ZNF34: variants seen among roughly 807,000 people sequenced by gnomAD.
ZNF34 encodes zinc finger protein 34.
In ZNF34, 8 loss-of-function variants were observed where a neutral mutation model predicts 14.4. The observed-to-expected ratio is 0.55, with a 90% CI of 0.33 to 1.00. The LOEUF (loss-of-function observed/expected upper bound fraction) is 1.00. ZNF34 is among the 50% of genes least tolerant of loss of function. ZNF34 has a pLI of 0.03. For synonymous variants in ZNF34, 235 were observed against 247.9 expected (o/e 0.95, Z 0.49); for missense variants, 538 against 674.2 (o/e 0.80, Z 2.24).
chr8:144,778,220 G>T (rs986962571), intron 3 of ZNF34, 56 bp from the exon 4 acceptor site: 173 of 1,569,474 alleles, frequency 1.1e-4, no homozygotes, highest in Middle Eastern at 1.7e-4. Flanking sequence ...GCTGGTAGGG[G>T]CGGGGAGGCA....
At position 144,774,156 on chromosome 8, in the gene ZNF34, T is replaced by C. The variant is rs767729328; in HGVS notation, c.730A>G (p.Asn244Asp). 6.2e-7 allele frequency: 1 copy of C among 1,614,096 alleles called. No individual in the cohort carries two copies. Among genetic ancestry groups the C allele is most frequent in the Non-Finnish European group, 8.5e-7 (1 of 1,179,934 alleles). Residue 244 changes from asparagine to aspartate, a missense_variant, in exon 6 of 6, where the codon AAC becomes GAC. Around this residue, in one of 3 missense-constraint regions of ZNF34, gnomAD observed 431 missense variants for 525.7 expected, o/e 0.82. Coordinates refer to ENST00000429371, the MANE Select transcript of ZNF34 (RefSeq NM_001286769.2). ...TGAAGCCGCTGATGCTTGACAAGGT[T>C]GGCACTGTACCTGAATGTTTTCCCA... ...YCGKTFRYSANLVKHQRLHTE... is the reference protein window; with the variant it reads ...YCGKTFRYSADLVKHQRLHTE...
At chr8:144,776,458 G>A (rs899004420) in intron 5 of ZNF34, among the ~76,000 whole-genome samples, 1 of 151,628 alleles carries the variant, frequency 6.6e-6, no homozygotes, top group Non-Finnish European at 1.5e-5. Flanking sequence ...AAATTAGCCA[G>A]GCATGGCGGC....
In ZNF34 at chr8:144,772,654, C is replaced by T. The variant is rs1022621706; in HGVS notation, c.*612G>A. ...TCCCAGGTTCAAGCAATGCTCCTGC[C>T]TCAGCCTCCCGAGTAGCTGGGATTA... On this transcript the variant is annotated 3_prime_UTR_variant, in exon 6 of 6. Transcript: ENST00000429371. 1.3e-5 allele frequency among the ~76,000 whole-genome samples: 2 copies of T among 152,200 alleles called. No homozygotes were observed. The highest frequency in any genetic ancestry group is 2.1e-4 in the South Asian group (1 of 4,824).
In ZNF34 at chr8:144,777,890, C is replaced by A. The variant is rs1825624301; in HGVS notation, c.160+148G>T. 4 of 1,259,658 alleles carry A rather than the reference C, an allele frequency of 3.2e-6. No individual in the cohort carries two copies. Among genetic ancestry groups the A allele is most frequent in the Non-Finnish European group, 4.4e-6 (4 of 910,586 alleles). The allele number at this position is 1,259,658 out of a possible 1,614,324, so 78.0% of individuals were successfully genotyped here. A position where few individuals can be genotyped will look rare whatever the true frequency, so the allele number is the denominator to read the frequency against. ...GACTCAGGAAGGTCCCAGCACTGCT[C>A]TTCCCCTCATCTTCTCAGATCAGGT... On this transcript the variant is annotated intron_variant, in intron 4 of 5. Transcript: ENST00000429371. The surrounding 1 kb of genome is among the most constrained non-coding windows in gnomAD (Gnocchi z 4.8).
Position 144,778,132 on chromosome 8 carries a change from G to A in ZNF34, c.66C>T (p.Tyr22=), listed in dbSNP as rs776141928. The A allele has an allele frequency of 3.7e-6, 6 of 1,613,848 alleles. No homozygotes were observed. Among genetic ancestry groups the A allele is most frequent in the Admixed American group, 1.7e-5 (1 of 59,964 alleles). Reference sequence around the variant, plus strand: ...GGCGGCCCCATTCCTCCCGGGAGAGGTACACAGCCACGTCCTCGAAGGTCA... The same window carrying A: ...GGCGGCCCCATTCCTCCCGGGAGAGATACACAGCCACGTCCTCGAAGGTCA... ...AEVTFEDVAV[Y]LSREEWGRLG... is the part of the protein sequence containing the mutation. Residue 22 remains tyrosine, a synonymous_variant, in exon 4 of 6, where the codon TAC becomes TAT. Coordinates refer to ENST00000429371, the MANE Select transcript of ZNF34 (RefSeq NM_001286769.2).
At chr8:144,781,441 A>G (rs977807900) in intron 1 of ZNF34, among the ~76,000 whole-genome samples, 4 of 151,920 alleles carry the variant, frequency 2.6e-5, no homozygotes, top group Admixed American at 2.0e-4. Flanking sequence ...TATTTTTAGT[A>G]GAGACGGAGT....
chr8:144,774,684 T>A (rs1206199783), intron 5 of ZNF34, 79 bp from the exon 6 acceptor site: 1 of 1,500,882 alleles, frequency 6.7e-7, no homozygotes, highest in African/African-American at 1.4e-5. Flanking sequence ...TGGCCACCTG[T>A]GGGGAACCAA....
At chr8:144,781,337 T>C (rs188030306) in intron 1 of ZNF34, among the ~76,000 whole-genome samples, 10 of 150,374 alleles carry the variant, frequency 6.7e-5, no homozygotes, top group South Asian at 4.3e-4. Flanking sequence ...GGCGCGATCT[T>C]GGCTCACTGC....
Position 144,777,976 on chromosome 8 carries a change from C to G in ZNF34, c.160+62G>C. Reference sequence around the variant, plus strand: ...CCAGGGGGTGAGGCCCCTAGCCCAGCCTCTGCTGAGCCCTTAGCCCCCAGG... The same window carrying G: ...CCAGGGGGTGAGGCCCCTAGCCCAGGCTCTGCTGAGCCCTTAGCCCCCAGG... On this transcript the variant is annotated intron_variant, in intron 4 of 5. Coordinates refer to ENST00000429371, the MANE Select transcript of ZNF34 (RefSeq NM_001286769.2). This position sits in a 1 kb window ranked among gnomAD's most constrained non-coding sequence, Gnocchi z 4.8. 1.3e-6 allele frequency: 2 copies of G among 1,598,110 alleles called. No homozygotes were observed. The highest frequency in any genetic ancestry group is 1.7e-6 in the Non-Finnish European group (2 of 1,172,204).
At chr8:144,780,750 T>C (rs1563790622) in intron 1 of ZNF34, among the ~76,000 whole-genome samples, 1 of 151,098 alleles carries the variant, frequency 6.6e-6, no homozygotes. Context: ...GATCGCGCCA[T>C]CGCACTCCAG....
Position 144,774,286 on chromosome 8 carries a change from T to G in ZNF34, c.600A>C (p.Lys200Asn), listed in dbSNP as rs772195029. ...NNHKRVHRSK[K>N]TNTVRNSGEI... ...CCCCAGAGTTACGAACTGTATTTGT[T>G]TTTTTTGACCTGTGTACACGCTTAT... Residue 200 changes from lysine to asparagine, a missense_variant, in exon 6 of 6, where the codon AAA becomes AAC. By Grantham distance (94) the Lys-to-Asn change is moderately conservative (BLOSUM62 0). This residue lies in a region of ZNF34 where 431 missense variants were observed against 525.7 expected (regional missense o/e 0.82). Transcript: ENST00000429371. 1.9e-6 allele frequency: 3 copies of G among 1,613,646 alleles called. No individual in the cohort carries two copies. In the African/African-American group the frequency reaches 4.0e-5, roughly 21 times the overall value.
intron 1 of ZNF34, chr8:144,785,605 A>C (rs1826178992): frequency 6.6e-6 from 1 of 152,234 alleles, no homozygotes; most frequent in African/African-American, 2.4e-5. Context: ...TTAATTAAGA[A>C]AAAATGTAAA....
At chr8:144,775,732 G>C (rs1825473272) in intron 5 of ZNF34, among the ~76,000 whole-genome samples, 1 of 152,180 alleles carries the variant, frequency 6.6e-6, no homozygotes, top group Non-Finnish European at 1.5e-5. Context: ...AGCGGAAACA[G>C]TCTGTATTTT....
At chr8:144,785,000 T>C (rs1180726463) in intron 1 of ZNF34, among the ~76,000 whole-genome samples, 23 of 142,422 alleles carry the variant, frequency 1.6e-4, no homozygotes, top group Admixed American at 6.8e-4. Context: ...GTGGTTCCAG[T>C]CAAAACCTCA....
At chr8:144,781,086 G>A (rs1418575610) in intron 1 of ZNF34, among the ~76,000 whole-genome samples, 1 of 150,556 alleles carries the variant, frequency 6.6e-6, no homozygotes, top group Non-Finnish European at 1.5e-5. Flanking sequence ...AGTGAGCTGA[G>A]ATCGCACCAC....
chr8:144,776,470 G>A (rs1167193372), intron 5 of ZNF34, among the ~76,000 whole-genome samples: 1 of 150,524 alleles, frequency 6.6e-6, no homozygotes, highest in East Asian at 2.0e-4. Context: ...CATGGCGGCA[G>A]GCACCTGTAG....
chr8:144,786,177 G>A (rs1586744690), intron 1 of ZNF34, among the ~76,000 whole-genome samples: 1 of 151,454 alleles, frequency 6.6e-6, no homozygotes, highest in Admixed American at 6.6e-5. Flanking sequence ...TAGTAGAGAC[G>A]GGGTTTCACT....
chr8:144,786,401 G>A (rs1335699343), intron 1 of ZNF34, among the ~76,000 whole-genome samples: 3 of 151,876 alleles, frequency 2.0e-5, no homozygotes, highest in Non-Finnish European at 4.4e-5. Flanking sequence ...TGGGAGGCTG[G>A]GGCGGGCAGA....
intron 2 of ZNF34, 67 bp from the exon 3 acceptor site, chr8:144,778,592 G>T: frequency 7.6e-7 from 1 of 1,320,582 alleles, no homozygotes; most frequent in Non-Finnish European, 1.0e-6. Context: ...CAGGCTACTT[G>T]GTGCTGCCAT....
Sources: allele counts gnomAD v4.1 joint callset (sites outside exome capture counted in the v4.1 genomes callset), GRCh38; gene constraint gnomAD v4.1.1; regional missense constraint gnomAD v4.1.1; non-coding constraint Gnocchi (gnomAD v3.1); transcripts MANE v1.5; gene names NCBI Gene and HGNC (gene_info 2026-07-23, HGNC 2026-07-21).